Variants in ZNF519 observed in about 807,000 individuals in gnomAD.
ZNF519 encodes the protein zinc finger protein 519.
In ZNF519, 7 loss-of-function variants were observed where a neutral mutation model predicts 7.4. The ratio of observed to expected loss-of-function variants is 0.94; its 90% CI spans 0.54 to 1.77. The LOEUF (loss-of-function observed/expected upper bound fraction) is 1.77, where lower values mean the gene tolerates loss of function less well. Among genes scored for constraint, ZNF519 ranks in the 40% most tolerant of loss-of-function variants. The probability of loss-of-function intolerance (pLI) is 0.00; values close to 1 mark genes in which losing one functional copy is unlikely to be tolerated. For missense variants in ZNF519, 586 were observed against 623.1 expected (o/e 0.94, Z 0.63); for synonymous variants, 179 against 203.3 (o/e 0.88, Z 1.02).
At chr18:14,092,242 A>C (rs2046117438) in intron 2 of ZNF519, among the ~76,000 whole-genome samples, 1 of 152,118 alleles carries the variant, frequency 6.6e-6, no homozygotes, top group Admixed American at 6.5e-5. Flanking sequence ...AGTCAGGACC[A>C]GGATAAGGGG....
At chr18:14,076,176 A>T (rs1289459748) in exon 5 of ZNF519, 1 of 152,184 alleles carries the variant, frequency 6.6e-6, no homozygotes, top group Non-Finnish European at 1.5e-5. Flanking sequence ...AGTCTTTTCT[A>T]AAACTCCACA....
intron 1 of ZNF519, among the ~76,000 whole-genome samples, chr18:14,126,533 G>A (rs2046300394): frequency 6.6e-6 from 1 of 152,288 alleles, no homozygotes; most frequent in South Asian, 2.1e-4. Flanking sequence ...TTCCGTCTTT[G>A]TGCTTAACAC....
chr18:14,080,867 C>A (rs1359145111), intron 3 of ZNF519, among the ~76,000 whole-genome samples: 1 of 152,018 alleles, frequency 6.6e-6, no homozygotes, highest in Non-Finnish European at 1.5e-5. Context: ...GCTATCGAGC[C>A]TGAAAATACA....
chr18:14,121,959 G>A (rs962808936), intron 2 of ZNF519: 1 of 152,182 alleles, frequency 6.6e-6, no homozygotes, highest in Non-Finnish European at 1.5e-5. Flanking sequence ...TTAATCAGTG[G>A]TGTCCAACCA....
Position 14,103,403 on chromosome 18 carries a change from G to A in ZNF519, c.*1514C>T, listed in dbSNP as rs931647016. Reference sequence around the variant, plus strand: ...AAAATAAATGAATGCAGAAAATGGGGGGAACTCACAAATATATGGAAATTA... The same window carrying A: ...AAAATAAATGAATGCAGAAAATGGGAGGAACTCACAAATATATGGAAATTA... On this transcript the variant is annotated 3_prime_UTR_variant, in exon 3 of 3. Transcript: ENST00000590202. The A allele has an allele frequency of 1.5e-4, 23 of 151,810 alleles. No individual in the cohort carries two copies. Among genetic ancestry groups the A allele is most frequent in the Non-Finnish European group, 2.9e-4 (20 of 67,924 alleles). 9.4% of individuals were successfully genotyped at this position (151,810 alleles called of 1,614,324 possible). A position where few individuals can be genotyped will look rare whatever the true frequency, so the allele number is the denominator to read the frequency against.
chr18:14,113,314 C>T (rs1300324794), intron 2 of ZNF519, among the ~76,000 whole-genome samples: 1 of 152,188 alleles, frequency 6.6e-6, no homozygotes, highest in Non-Finnish European at 1.5e-5. Flanking sequence ...TACCTGATTG[C>T]CTCCTTTGGA....
chr18:14,124,252 A>T, intron 2 of ZNF519, 98 bp downstream of exon 2: 2 of 1,136,564 alleles, frequency 1.8e-6, no homozygotes, highest in Non-Finnish European at 2.4e-6. Flanking sequence ...AACTGAAATT[A>T]ATTCATGCAA....
chr18:14,108,908 T>C (rs1172374984), intron 2 of ZNF519, among the ~76,000 whole-genome samples: 1 of 151,970 alleles, frequency 6.6e-6, no homozygotes, highest in South Asian at 2.1e-4. Flanking sequence ...CTGATTAACA[T>C]GGAGAAACCC....
chr18:14,124,110 T>A, intron 2 of ZNF519: 1 of 214,364 alleles, frequency 4.7e-6, no homozygotes, highest in Non-Finnish European at 9.0e-6. Context: ...GAGGTGGAGG[T>A]TGCAGTGAGC....
chr18:14,077,198 GA>G (rs1388412117), exon 5 of ZNF519: 2 of 152,210 alleles, frequency 1.3e-5, no homozygotes, highest in African/African-American at 2.4e-5. Flanking sequence ...ACTGGTTTGT[GA>G]CCTTGCCCTC....
intron 2 of ZNF519, among the ~76,000 whole-genome samples, chr18:14,088,627 T>A (rs756073555): frequency 2.0e-5 from 3 of 152,158 alleles, no homozygotes; most frequent in Non-Finnish European, 4.4e-5. Flanking sequence ...AAGATAAAAG[T>A]TGTCTTAAAT....
rs142113783 is a variant in ZNF519 at position 14,092,655 on chromosome 18, G to A, written c.131-7579C>T. Among the ~76,000 whole-genome samples the A allele has an allele frequency of 2.0e-3, 300 of 152,212 alleles. 3 individuals are homozygous for A. The highest frequency in any genetic ancestry group is 6.7e-3 in the African/African-American group (280 of 41,520). On this transcript the variant is annotated intron_variant and NMD_transcript_variant, in intron 2 of 4. Coordinates refer to the ZNF519 transcript ENST00000587419. Reference sequence around the variant, plus strand: ...CTCCATGAACTGGGACTTCAGTTGCGCAGAATCCCCATAAATCAGCCTCCA... The same window carrying A: ...CTCCATGAACTGGGACTTCAGTTGCACAGAATCCCCATAAATCAGCCTCCA...
intron 2 of ZNF519, chr18:14,123,218 TAAAAAA>T (rs34503801): frequency 3.5e-5 from 5 of 143,304 alleles, no homozygotes; most frequent in Non-Finnish European, 4.4e-5. Flanking sequence ...CTTGTTTTAT[TAAAAAA>T]AAAAAAAAAA....
chr18:14,111,424 T>C (rs2046220189), intron 2 of ZNF519, among the ~76,000 whole-genome samples: 1 of 146,010 alleles, frequency 6.8e-6, no homozygotes. Context: ...GTAGAATTGC[T>C]GGAAGTCAGG....
intron 2 of ZNF519, among the ~76,000 whole-genome samples, chr18:14,086,374 A>G (rs1233740768): frequency 2.0e-5 from 3 of 152,180 alleles, no homozygotes; most frequent in Non-Finnish European, 4.4e-5. Context: ...GGAAAGCTGT[A>G]GCCGTGGAAC....
intron 1 of ZNF519, among the ~76,000 whole-genome samples, chr18:14,131,359 G>A (rs1414276093): frequency 6.6e-6 from 1 of 152,156 alleles, no homozygotes; most frequent in African/African-American, 2.4e-5. Flanking sequence ...GTGCAATAAA[G>A]GACAAAAACA....
downstream of ZNF519, among the ~76,000 whole-genome samples, chr18:14,098,052 C>A (rs1465427875): frequency 6.6e-6 from 1 of 152,044 alleles, no homozygotes; most frequent in Non-Finnish European, 1.5e-5. Flanking sequence ...AATGATAGAC[C>A]CTCATACACA....
chr18:14,106,125 A>G lies in ZNF519; in HGVS notation c.415T>C (p.Cys139Arg). The part of the protein sequence containing the change: ...QFLSAAPTEP[C>R]IPMNKYQHKF... ...TGTTGATATTTATTCATAGGAATAC[A>G]TGGTTCTGTAGGAGCAGCTGACAGA... Residue 139 changes from cysteine (C) to arginine (R), a missense_variant, in exon 3 of 3, where the codon TGT becomes CGT. Cys to Arg is a radical substitution (Grantham distance 180). Transcript: ENST00000590202. 6.2e-7 allele frequency: 1 copy of G among 1,611,326 alleles called. No homozygotes were observed. The highest frequency in any genetic ancestry group is 8.5e-7 in the Non-Finnish European group (1 of 1,179,396).
At chr18:14,121,290 A>C (rs1399168167) in intron 2 of ZNF519, among the ~76,000 whole-genome samples, 1 of 152,110 alleles carries the variant, frequency 6.6e-6, no homozygotes, top group Non-Finnish European at 1.5e-5. Flanking sequence ...GTTTATAGTA[A>C]GTAATACTGT....
Sources: gnomAD v4.1 joint callset for allele counts (sites outside exome capture counted in the v4.1 genomes callset) on GRCh38, gnomAD v4.1.1 for gene constraint, MANE v1.5 for transcripts, NCBI Gene and HGNC (gene_info 2026-07-23, HGNC 2026-07-21) for gene names.